PRKCA: variants seen among roughly 807,000 people sequenced by gnomAD.
PRKCA encodes the protein protein kinase C alpha type.
A neutral mutation model predicts 87.0 loss-of-function variants in PRKCA; 27 were observed. The observed-to-expected ratio is 0.31, with a 90% CI of 0.23 to 0.43. The LOEUF (loss-of-function observed/expected upper bound fraction) is 0.43. Among genes scored for constraint, PRKCA ranks in the 20% least tolerant of loss-of-function variants. The probability of loss-of-function intolerance (pLI) is 1.00; values close to 1 mark genes in which losing one functional copy is unlikely to be tolerated. For synonymous variants in PRKCA, 329 were observed against 311.1 expected (o/e 1.06, Z -0.61); for missense variants, 518 against 852.3 (o/e 0.61, Z 4.88).
chr17:66,678,117 A>G (rs539868962), intron 5 of PRKCA, among the ~76,000 whole-genome samples: 18 of 152,310 alleles, frequency 1.2e-4, no homozygotes, highest in African/African-American at 4.1e-4. Flanking sequence ...ATTCTTCTGG[A>G]TGATCTGGAT....
intron 13 of PRKCA, among the ~76,000 whole-genome samples, chr17:66,757,184 A>G (rs920204143): frequency 7.9e-5 from 12 of 151,368 alleles, no homozygotes; most frequent in Middle Eastern, 3.2e-3. Context: ...GCCTGAGGAT[A>G]TGGCAGTAAA....
intron 2 of PRKCA, among the ~76,000 whole-genome samples, chr17:66,352,705 AG>A (rs1907822857): frequency 6.6e-6 from 1 of 151,672 alleles, no homozygotes; most frequent in Non-Finnish European, 1.5e-5. Context: ...CTGGGACTAC[AG>A]GTGCGTGCCA....
intron 2 of PRKCA, among the ~76,000 whole-genome samples, chr17:66,480,781 T>TA (rs34400938): frequency 0.038 from 5,630 of 146,980 alleles, 132 homozygotes; most frequent in Admixed American, 0.057. Flanking sequence ...TTATATGGCT[T>TA]AAAAAAAAAA....
chr17:66,722,411 A>G (rs1158685170), intron 8 of PRKCA, among the ~76,000 whole-genome samples: 1 of 152,228 alleles, frequency 6.6e-6, no homozygotes, highest in Non-Finnish European at 1.5e-5. Context: ...CCTAATAGGG[A>G]GCTGAATGTG....
At chr17:66,612,271 T>G (rs1970389947) in intron 3 of PRKCA, among the ~76,000 whole-genome samples, 2 of 150,836 alleles carry the variant, frequency 1.3e-5, no homozygotes, top group Non-Finnish European at 3.0e-5. Flanking sequence ...ATCCCAGCTA[T>G]TTGGGAGGCT....
chr17:66,637,808 C>T (rs1370421959), intron 3 of PRKCA, among the ~76,000 whole-genome samples: 1 of 152,166 alleles, frequency 6.6e-6, no homozygotes, highest in African/African-American at 2.4e-5. Context: ...GGCCCCACCC[C>T]CAGAGTTTCT....
chr17:66,779,665 A>C (rs1223386505), intron 14 of PRKCA, among the ~76,000 whole-genome samples: 1 of 152,158 alleles, frequency 6.6e-6, no homozygotes, highest in East Asian at 1.9e-4. Context: ...GTGATTAGGA[A>C]TCCTTTTTTG....
At chr17:66,540,569 G>T (rs994430967) in intron 3 of PRKCA, among the ~76,000 whole-genome samples, 2 of 152,218 alleles carry the variant, frequency 1.3e-5, no homozygotes, top group African/African-American at 4.8e-5. Context: ...AGTGGAGTGG[G>T]GCCTCCCAGC....
chr17:66,404,939 G>A (rs1280002659), intron 2 of PRKCA, among the ~76,000 whole-genome samples: 3 of 151,622 alleles, frequency 2.0e-5, no homozygotes, highest in Non-Finnish European at 4.4e-5. Flanking sequence ...TAGTAGAGAC[G>A]GGGTTTCACC....
chr17:66,511,857 T>C (rs1917245541), intron 3 of PRKCA, among the ~76,000 whole-genome samples: 1 of 151,964 alleles, frequency 6.6e-6, no homozygotes, highest in African/African-American at 2.4e-5. Flanking sequence ...ATTTTTGTAT[T>C]TTTAGTGGAG....
chr17:66,803,743 C>T lies in PRKCA; in HGVS notation c.1855-130C>T. On this transcript the variant is annotated intron_variant, in intron 16 of 16. Coordinates refer to ENST00000413366, the MANE Select transcript of PRKCA (RefSeq NM_002737.3). The surrounding 1 kb of genome is among the most constrained non-coding windows in gnomAD (Gnocchi z 4.4). ...TCAATCCAATAGGCCTGCAAGTCCTCCGAGATTCCTCCTCCTAACCAGCCC... is the reference window on the plus strand; with the variant it reads ...TCAATCCAATAGGCCTGCAAGTCCTTCGAGATTCCTCCTCCTAACCAGCCC... The T allele has an allele frequency of 7.7e-7, 1 of 1,293,686 alleles. No homozygotes were observed. Among genetic ancestry groups the T allele is most frequent in the Admixed American group, 2.5e-5 (1 of 39,258 alleles). 80.1% of individuals were successfully genotyped at this position (1,293,686 alleles called of 1,614,324 possible). A position where few individuals can be genotyped will look rare whatever the true frequency, so the allele number is the denominator to read the frequency against.
intron 2 of PRKCA, among the ~76,000 whole-genome samples, chr17:66,445,322 A>G (rs142043327): frequency 5.2e-4 from 79 of 152,318 alleles, no homozygotes; most frequent in Middle Eastern, 6.8e-3. Context: ...CCCACTCCAA[A>G]TGGCATCCGG....
At chr17:66,640,448 A>G (rs1351698031) in intron 3 of PRKCA, among the ~76,000 whole-genome samples, 2 of 152,218 alleles carry the variant, frequency 1.3e-5, no homozygotes, top group African/African-American at 4.8e-5. Flanking sequence ...GCAGTGGGCT[A>G]TGGGGAGGCG....
At chr17:66,749,896 C>T (rs1034946620) in intron 13 of PRKCA, among the ~76,000 whole-genome samples, 27 of 152,000 alleles carry the variant, frequency 1.8e-4, no homozygotes, top group African/African-American at 3.6e-4. Flanking sequence ...CTCATGTCAT[C>T]GGCTGAAGAG....
chr17:66,425,918 T>C (rs528345809), intron 2 of PRKCA, among the ~76,000 whole-genome samples: 1 of 152,222 alleles, frequency 6.6e-6, no homozygotes, highest in South Asian at 2.1e-4. Flanking sequence ...ACATATTTCG[T>C]CCTGGTAGTG....
At chr17:66,506,260 C>T (rs1354592739) in intron 3 of PRKCA, among the ~76,000 whole-genome samples, 3 of 151,210 alleles carry the variant, frequency 2.0e-5, no homozygotes, top group Admixed American at 6.6e-5. Flanking sequence ...CGTGCCACTG[C>T]ATTGCAGTCT....
intron 2 of PRKCA, among the ~76,000 whole-genome samples, chr17:66,347,990 G>A (rs1907507553): frequency 1.7e-5 from 2 of 114,624 alleles, no homozygotes; most frequent in African/African-American, 3.2e-5. Context: ...TGCCCAGGCT[G>A]GAGTGCAGTG....
At chr17:66,466,000 G>A (rs765371242) in intron 2 of PRKCA, among the ~76,000 whole-genome samples, 1 of 152,018 alleles carries the variant, frequency 6.6e-6, no homozygotes, top group Non-Finnish European at 1.5e-5. Context: ...TTCTTCTGTA[G>A]GGCTATATAG....
chr17:66,434,002 G>T (rs974111458), intron 2 of PRKCA, among the ~76,000 whole-genome samples: 1 of 152,086 alleles, frequency 6.6e-6, no homozygotes, highest in African/African-American at 2.4e-5. Flanking sequence ...CAGGTAGGGC[G>T]CACGGAGGTG....
Sources: allele counts gnomAD v4.1 joint callset (sites outside exome capture counted in the v4.1 genomes callset), GRCh38; gene constraint gnomAD v4.1.1; non-coding constraint Gnocchi (gnomAD v3.1); transcripts MANE v1.5; gene names NCBI Gene and HGNC (gene_info 2026-07-23, HGNC 2026-07-21).